KPNA5: variants seen among roughly 807,000 people sequenced by gnomAD.
KPNA5 encodes importin subunit alpha-6.
KPNA5 carries 46 observed loss-of-function variants against 71.3 expected under a neutral mutation model. That is an observed-to-expected ratio of 0.65 (90% confidence interval 0.51 to 0.83). The LOEUF is 0.83. KPNA5 is among the 40% of genes least tolerant of loss of function. The pLI is 0.00. For synonymous variants in KPNA5, 207 were observed against 201.4 expected (o/e 1.03, Z -0.24); for missense variants, 547 against 628.3 (o/e 0.87, Z 1.38).
chr6:116,707,296 A>G (rs947326919), intron 7 of KPNA5, among the ~76,000 whole-genome samples: 1 of 152,174 alleles, frequency 6.6e-6, no homozygotes, highest in Non-Finnish European at 1.5e-5. Context: ...TTTTATTAGT[A>G]TTCATTTGAT....
In KPNA5 at chr6:116,740,867, A is replaced by G. The variant is rs1485728596; in HGVS notation, c.*8544A>G. 1.7e-4 allele frequency: 25 copies of G among 144,926 alleles called. No homozygotes were observed. The highest frequency in any genetic ancestry group is 1.4e-3 in the Admixed American group (20 of 14,212). 9.0% of individuals were successfully genotyped at this position (144,926 alleles called of 1,614,324 possible). ...TGTGGGGTTGGGGGAGGGGGGAGGGATAGCTTTAGGAGATATACCTAATGC... is the reference window on the plus strand; with the variant it reads ...TGTGGGGTTGGGGGAGGGGGGAGGGGTAGCTTTAGGAGATATACCTAATGC... On this transcript the variant is annotated 3_prime_UTR_variant, in exon 14 of 14. Transcript: ENST00000368564.
chr6:116,698,882 C>G (rs1778126927), intron 5 of KPNA5, 84 bp downstream of exon 5: 1 of 675,756 alleles, frequency 1.5e-6, no homozygotes, highest in Admixed American at 3.7e-5. Flanking sequence ...GCAGTATTGA[C>G]TATTGTAAGC....
intron 9 of KPNA5, 52 bp downstream of exon 9, chr6:116,722,341 G>A (rs1256574669): frequency 7.2e-6 from 10 of 1,381,796 alleles, no homozygotes; most frequent in African/African-American, 1.5e-5. Context: ...ATTAAAATTA[G>A]CAATTCAAGT....
chr6:116,718,449 G>T (rs1778981759), intron 8 of KPNA5, among the ~76,000 whole-genome samples: 2 of 151,864 alleles, frequency 1.3e-5, no homozygotes, highest in Non-Finnish European at 2.9e-5. Context: ...TTTTAGTAGA[G>T]ACAGGGTTTC....
At chr6:116,695,140 G>T (rs1187366251) in intron 4 of KPNA5, among the ~76,000 whole-genome samples, 1 of 151,938 alleles carries the variant, frequency 6.6e-6, no homozygotes, top group Non-Finnish European at 1.5e-5. Flanking sequence ...TCAGGGTTTT[G>T]TCATATTGCC....
At chr6:116,696,579 C>T (rs1176629334) in intron 4 of KPNA5, among the ~76,000 whole-genome samples, 1 of 152,124 alleles carries the variant, frequency 6.6e-6, no homozygotes, top group Non-Finnish European at 1.5e-5. Context: ...ATTTCCTTTT[C>T]GTGGCCACTC....
Position 116,725,795 on chromosome 6 carries a change from G to T in KPNA5, c.1044G>T (p.Leu348Phe). 1 of 1,612,988 alleles carries T rather than the reference G, an allele frequency of 6.2e-7. No homozygotes were observed. The highest frequency in any genetic ancestry group is 1.3e-5 in the African/African-American group (1 of 74,922). Residue 348 changes from leucine to phenylalanine, a missense_variant, in exon 11 of 14, where the codon TTG becomes TTT. Transcript: ENST00000368564. Reference protein sequence around the residue: ...CSALPCLLHLLSSPKESIRKE... With the variant: ...CSALPCLLHLFSSPKESIRKE... ...CATTACCCTGTCTCTTACATTTATT[G>T]AGTAGCCCAAAGGAGTCAATTAGAA...
At chr6:116,726,300 T>A (rs1215935098) in intron 11 of KPNA5, among the ~76,000 whole-genome samples, 195 bp from the exon 12 acceptor site, 2 of 152,070 alleles carry the variant, frequency 1.3e-5, no homozygotes, top group African/African-American at 4.8e-5. Flanking sequence ...TTCTCCAGTC[T>A]TTAAAAAGCT....
chr6:116,729,833 A>C, intron 13 of KPNA5, 92 bp downstream of exon 13: 1 of 762,306 alleles, frequency 1.3e-6, no homozygotes, highest in African/African-American at 1.8e-5. Flanking sequence ...TTTGTTGTAA[A>C]AGCAGTATGT....
intron 9 of KPNA5, among the ~76,000 whole-genome samples, chr6:116,723,827 TTAATTA>T (rs1779204125): frequency 2.0e-5 from 3 of 152,056 alleles, no homozygotes; most frequent in Non-Finnish European, 4.4e-5. Context: ...TTGCAAAATA[TTAATTA>T]TATTAATTAT....
chr6:116,695,842 C>G lies in KPNA5; in HGVS notation c.341-2862C>G, dbSNP rs113594897. Among the ~76,000 whole-genome samples, 428 of 152,120 alleles carry G rather than the reference C, an allele frequency of 2.8e-3. 4 individuals carry two copies. The highest frequency in any genetic ancestry group is 9.9e-3 in the African/African-American group (412 of 41,480). ...TCCTTAAAGATTTTATTTTGACATA[C>G]ATGTCATACTGATAACAGAATTTCT... On this transcript the variant is annotated intron_variant, in intron 4 of 13. Coordinates refer to ENST00000368564, the MANE Select transcript of KPNA5 (RefSeq NM_001366306.2).
chr6:116,681,529 T>C, intron 1 of KPNA5, 191 bp downstream of exon 1: 5 of 1,348,264 alleles, frequency 3.7e-6, no homozygotes, highest in Non-Finnish European at 4.8e-6. Context: ...AGCCGGACCT[T>C]TCCCTTGCGG....
rs1777834810 is a variant in KPNA5 at position 116,692,336 on chromosome 6, A to C, written c.284A>C (p.Asn95Thr). Residue 95 changes from asparagine to threonine, a missense_variant, in exon 4 of 14, where the codon AAT becomes ACT. Asn to Thr is a moderately conservative substitution (Grantham distance 65). Coordinates refer to ENST00000368564, the MANE Select transcript of KPNA5 (RefSeq NM_001366306.2). ...GATATGGTTCAGATGATTTTTTCTA[A>C]TAATGCTGATCAACAGCTAACAGCA... ...TTDMVQMIFS[N>T]NADQQLTATQ... 1 of 1,605,574 alleles carries C rather than the reference A, an allele frequency of 6.2e-7. No homozygotes were observed. The highest frequency in any genetic ancestry group is 1.3e-5 in the African/African-American group (1 of 74,558).
At chr6:116,708,930 C>T (rs1035723968) in intron 7 of KPNA5, among the ~76,000 whole-genome samples, 9 of 152,090 alleles carry the variant, frequency 5.9e-5, no homozygotes, top group Non-Finnish European at 1.2e-4. Flanking sequence ...GGATTACAGT[C>T]GTGTACAACC....
rs1779624245 is a variant in KPNA5 at position 116,735,104 on chromosome 6, G to A, written c.*2781G>A. 6.6e-6 allele frequency: 1 copy of A among 151,714 alleles called. No individual in the cohort carries two copies. The highest frequency in any genetic ancestry group is 2.4e-5 in the African/African-American group (1 of 41,398). 9.4% of individuals were successfully genotyped at this position (151,714 alleles called of 1,614,324 possible). ...TTTCAAAACGTTGTTTTAAGTGATA[G>A]TGTCCTTAAATTTTAGTGTCATTTG... On this transcript the variant is annotated 3_prime_UTR_variant, in exon 14 of 14. Coordinates refer to ENST00000368564, the MANE Select transcript of KPNA5 (RefSeq NM_001366306.2).
intron 5 of KPNA5, among the ~76,000 whole-genome samples, chr6:116,701,694 C>T (rs1452251207): frequency 1.3e-5 from 2 of 152,114 alleles, no homozygotes; most frequent in African/African-American, 2.4e-5. Flanking sequence ...CTTTAGAATG[C>T]TTGCCTCTGT....
intron 6 of KPNA5, among the ~76,000 whole-genome samples, chr6:116,703,667 T>A (rs1187978210): frequency 6.6e-6 from 1 of 152,160 alleles, no homozygotes; most frequent in Non-Finnish European, 1.5e-5. Flanking sequence ...TTCCACAAGG[T>A]AGAAAATATC....
chr6:116,681,367 G>C (rs774743616), intron 1 of KPNA5, 29 bp downstream of exon 1: 2 of 1,569,736 alleles, frequency 1.3e-6, no homozygotes, highest in East Asian at 2.4e-5. Flanking sequence ...GGGCTAGGTT[G>C]GGGGAGCCTC....
chr6:116,723,011 A>C (rs1180477218), intron 9 of KPNA5, among the ~76,000 whole-genome samples: 2 of 152,138 alleles, frequency 1.3e-5, no homozygotes, highest in East Asian at 1.9e-4. Flanking sequence ...GTGGGCATGC[A>C]GGTTCAGCAT....
Sources: allele counts gnomAD v4.1 joint callset (sites outside exome capture counted in the v4.1 genomes callset), GRCh38; gene constraint gnomAD v4.1.1; transcripts MANE v1.5; gene names NCBI Gene and HGNC (gene_info 2026-07-23, HGNC 2026-07-21).